Variants in GALNT17 observed in about 807,000 individuals in gnomAD.
GALNT17 encodes the protein polypeptide N-acetylgalactosaminyltransferase 17.
A neutral mutation model predicts 63.7 loss-of-function variants in GALNT17; 29 were observed. The ratio of observed to expected loss-of-function variants is 0.46; its 90% CI spans 0.34 to 0.62. GALNT17 has a LOEUF of 0.62. Among genes scored for constraint, GALNT17 ranks in the 20% least tolerant of loss-of-function variants. The pLI is 0.01. For synonymous variants in GALNT17, 305 were observed against 318.3 expected, an observed-to-expected ratio of 0.96 and a Z score of 0.45; for missense variants, 603 against 799.6, an observed-to-expected ratio of 0.75 and a Z score of 2.97.
chr7:71,385,914 A>G (rs1052444463), intron 2 of GALNT17, among the ~76,000 whole-genome samples: 2 of 152,254 alleles, frequency 1.3e-5, no homozygotes. Flanking sequence ...TAAAAATACA[A>G]AAATTGGCCA....
At position 71,194,298 on chromosome 7, in the gene GALNT17, G is replaced by A. The variant is rs536723888; in HGVS notation, c.238+61258G>A. Reference sequence around the variant, plus strand: ...AACTTGCCCCAGGCCACTGAGCTTAGACTGTGGTCCTCATCGAATAGTTAT... The same window carrying A: ...AACTTGCCCCAGGCCACTGAGCTTAAACTGTGGTCCTCATCGAATAGTTAT... On this transcript the variant is annotated intron_variant, in intron 1 of 10. Coordinates refer to ENST00000333538, the MANE Select transcript of GALNT17 (RefSeq NM_022479.3). 9.2e-5 allele frequency among the ~76,000 whole-genome samples: 14 copies of A among 152,298 alleles called. 1 individual carries two copies. The highest frequency in any genetic ancestry group is 3.4e-3 in the Middle Eastern group (1 of 294).
At chr7:71,141,212 C>CA (rs2116166190) in intron 1 of GALNT17, among the ~76,000 whole-genome samples, 2 of 151,364 alleles carry the variant, frequency 1.3e-5, no homozygotes, top group South Asian at 4.2e-4. Flanking sequence ...ACTAAAAATA[C>CA]AAAAAATAGC....
intron 5 of GALNT17, among the ~76,000 whole-genome samples, chr7:71,551,160 C>T (rs946388150): frequency 2.6e-5 from 4 of 152,118 alleles, no homozygotes; most frequent in African/African-American, 9.7e-5. Flanking sequence ...TTTTCTCCCT[C>T]TGTGCTTCAT....
intron 1 of GALNT17, among the ~76,000 whole-genome samples, chr7:71,232,259 T>C (rs1789804448): frequency 6.6e-6 from 1 of 152,194 alleles, no homozygotes; most frequent in Non-Finnish European, 1.5e-5. Context: ...TCTTGTTCTT[T>C]CTTTCTGTAA....
At chr7:71,245,584 G>GCAAC (rs1156750521) in intron 1 of GALNT17, among the ~76,000 whole-genome samples, 1 of 152,144 alleles carries the variant, frequency 6.6e-6, no homozygotes, top group East Asian at 1.9e-4. Flanking sequence ...GGGCGTATGT[G>GCAAC]CAACCTCTAG....
chr7:71,397,345 A>G (rs1019567578), intron 3 of GALNT17, among the ~76,000 whole-genome samples: 1 of 152,086 alleles, frequency 6.6e-6, no homozygotes, highest in African/African-American at 2.4e-5. Context: ...ACAGAATGCA[A>G]TGGGCTTCTC....
chr7:71,540,093 C>T lies in GALNT17; in HGVS notation c.963-31192C>T, dbSNP rs535902553. ...ACAGTTGTGAGCCACTGTGCCTGGC[C>T]TTTTTTTTTTTTTTTTTTTTTTTTT... is the stretch of plus-strand genomic sequence containing the variant. On this transcript the variant is annotated intron_variant, in intron 5 of 10. Coordinates refer to ENST00000333538, the MANE Select transcript of GALNT17 (RefSeq NM_022479.3). Among the ~76,000 whole-genome samples the T allele has an allele frequency of 5.6e-3, 187 of 33,566 alleles. 2 individuals carry two copies. The highest frequency in any genetic ancestry group is 8.4e-3 in the Non-Finnish European group (151 of 18,040). 22.0% of individuals were successfully genotyped at this position (33,566 alleles called of 152,430 possible).
intron 5 of GALNT17, among the ~76,000 whole-genome samples, chr7:71,548,978 G>A (rs535691345): frequency 3.3e-5 from 5 of 152,282 alleles, no homozygotes; most frequent in African/African-American, 1.2e-4. Flanking sequence ...GGGGTGTGTG[G>A]GAGAAACAGC....
chr7:71,148,294 A>G (rs932843573), intron 1 of GALNT17, among the ~76,000 whole-genome samples: 1 of 152,170 alleles, frequency 6.6e-6, no homozygotes. Flanking sequence ...TGATTACAAG[A>G]TGGCTGCCAC....
At chr7:71,386,431 A>G (rs534491850) in intron 2 of GALNT17, among the ~76,000 whole-genome samples, 5 of 152,262 alleles carry the variant, frequency 3.3e-5, no homozygotes, top group African/African-American at 1.2e-4. Flanking sequence ...AGGATGCATT[A>G]AAGTGCAGGT....
At chr7:71,476,617 G>A (rs765860737) in intron 5 of GALNT17, among the ~76,000 whole-genome samples, 1 of 152,172 alleles carries the variant, frequency 6.6e-6, no homozygotes, top group Non-Finnish European at 1.5e-5. Context: ...TTTCAAGGGG[G>A]TAGGTGGATT....
intron 8 of GALNT17, among the ~76,000 whole-genome samples, chr7:71,673,812 G>A (rs1791107189): frequency 6.6e-6 from 1 of 152,108 alleles, no homozygotes; most frequent in Non-Finnish European, 1.5e-5. Flanking sequence ...TTTTATAGAG[G>A]TCTCACTGTT....
intron 5 of GALNT17, among the ~76,000 whole-genome samples, chr7:71,527,235 G>T (rs1788639141): frequency 6.6e-6 from 1 of 152,198 alleles, no homozygotes; most frequent in African/African-American, 2.4e-5. Flanking sequence ...TCTACAGATA[G>T]TTCAGCATGA....
At chr7:71,637,739 C>G (rs1790547990) in intron 6 of GALNT17, among the ~76,000 whole-genome samples, 1 of 152,142 alleles carries the variant, frequency 6.6e-6, no homozygotes, top group Non-Finnish European at 1.5e-5. Context: ...CTCCTGTACG[C>G]TGTCGCTGTG....
At chr7:71,510,267 G>T (rs1283709124) in intron 5 of GALNT17, among the ~76,000 whole-genome samples, 1 of 152,100 alleles carries the variant, frequency 6.6e-6, no homozygotes, top group Non-Finnish European at 1.5e-5. Flanking sequence ...AAAATGTAAT[G>T]GCTTTTAGAA....
chr7:71,681,892 A>G (rs745642718), intron 9 of GALNT17, among the ~76,000 whole-genome samples: 2 of 151,828 alleles, frequency 1.3e-5, no homozygotes, highest in Non-Finnish European at 2.9e-5. Flanking sequence ...GTTTCAGGGG[A>G]AGGTTTTGTT....
At chr7:71,369,517 G>T (rs991946415) in intron 2 of GALNT17, among the ~76,000 whole-genome samples, 3 of 152,072 alleles carry the variant, frequency 2.0e-5, no homozygotes, top group Non-Finnish European at 4.4e-5. Flanking sequence ...AGGTTGAAAA[G>T]AATGAAAACT....
At chr7:71,348,783 T>C (rs1307824421) in intron 2 of GALNT17, among the ~76,000 whole-genome samples, 1 of 152,186 alleles carries the variant, frequency 6.6e-6, no homozygotes, top group Non-Finnish European at 1.5e-5. Context: ...TCATCTAATA[T>C]TCAGAAATCC....
intron 5 of GALNT17, among the ~76,000 whole-genome samples, chr7:71,440,821 C>G (rs1007186294): frequency 1.3e-5 from 2 of 152,168 alleles, no homozygotes; most frequent in African/African-American, 4.8e-5. Context: ...TACCTAGTCT[C>G]TCCAGTAGCA....
Sources: allele counts gnomAD v4.1 joint callset (sites outside exome capture counted in the v4.1 genomes callset), GRCh38; gene constraint gnomAD v4.1.1; transcripts MANE v1.5; gene names NCBI Gene and HGNC (gene_info 2026-07-23, HGNC 2026-07-21).